The following PCDH11X variants were observed in gnomAD, a reference collection of about 807,000 sequenced individuals.
PCDH11X encodes protocadherin 11 X-linked, also known as protocadherin-11 X-linked.
A neutral mutation model predicts 53.3 loss-of-function variants in PCDH11X; 18 were observed. The ratio of observed to expected loss-of-function variants is 0.34; its 90% CI spans 0.23 to 0.50. The LOEUF (loss-of-function observed/expected upper bound fraction) is 0.50, where lower values mean the gene tolerates loss of function less well. Ranked by LOEUF, PCDH11X falls within the 20% of genes least tolerant of loss-of-function variation. PCDH11X has a pLI of 0.98. For missense variants in PCDH11X, 570 were observed against 1,032.4 expected (o/e 0.55, Z 6.14); for synonymous variants, 279 against 393.3 (o/e 0.71, Z 3.44).
At position 92,150,078 on chromosome X, in the gene PCDH11X, T is replaced by C. The variant is rs759030084; in HGVS notation, c.3034-51297T>C. ...ATAAACATTTGTGTGAAAGTTTTTG[T>C]GTGGATGTGTCTTTTCTTTTCTCTT... On this transcript the variant is annotated intron_variant, in intron 6 of 10. Coordinates refer to ENST00000682573, the MANE Select transcript of PCDH11X (RefSeq NM_032968.5). 1.0e-4 allele frequency among the ~76,000 whole-genome samples: 11 copies of C among 106,854 alleles called. No homozygotes were observed. The South Asian group carries it at 4.1e-3, about 39-fold the overall frequency. 92.8% of individuals were successfully genotyped at this position (106,854 alleles called of 115,157 possible).
intron 7 of PCDH11X, among the ~76,000 whole-genome samples, chrX:92,231,818 C>T (rs936192849): frequency 4.5e-5 from 5 of 111,721 alleles, no homozygotes; most frequent in Admixed American, 9.5e-5. Context: ...CTAGTAGGTA[C>T]GCTACTCCCC....
intron 6 of PCDH11X, among the ~76,000 whole-genome samples, chrX:92,014,187 G>GA (rs1382613406): frequency 1.1e-5 from 1 of 93,790 alleles, no homozygotes; most frequent in African/African-American, 3.6e-5. Flanking sequence ...AAATTTACAA[G>GA]AAAAAAAACA....
At chrX:91,976,239 G>A (rs1381771891) in intron 6 of PCDH11X, among the ~76,000 whole-genome samples, 2 of 111,289 alleles carry the variant, frequency 1.8e-5, no homozygotes, top group African/African-American at 3.3e-5. Context: ...TTTTTGCTTG[G>A]CTCCTGAAAC....
intron 6 of PCDH11X, among the ~76,000 whole-genome samples, chrX:92,175,791 C>CTGTGAT (rs2065899932): frequency 1.3e-5 from 1 of 75,547 alleles, no homozygotes; most frequent in Non-Finnish European, 2.6e-5. Flanking sequence ...TATATACACA[C>CTGTGAT]ACACACACAC....
intron 10 of PCDH11X, among the ~76,000 whole-genome samples, chrX:92,560,877 G>A (rs2750523): frequency 2.3e-4 from 25 of 108,609 alleles, no homozygotes; most frequent in African/African-American, 7.7e-4. Context: ...TAAGAAAAGC[G>A]TCTTGGGCAA....
rs1052119345 is a variant in PCDH11X at position 92,331,991 on chromosome X, C to T, written c.3145-55744C>T. On this transcript the variant is annotated intron_variant, in intron 8 of 10. Coordinates refer to ENST00000682573, the MANE Select transcript of PCDH11X (RefSeq NM_032968.5). ...AATGTAGTGTTCCATGAATAATGGA[C>T]GTTCAAATAAATAGCATTATCTGGC... is the stretch of plus-strand genomic sequence containing the variant. 5.4e-5 allele frequency among the ~76,000 whole-genome samples: 6 copies of T among 111,405 alleles called. No homozygotes were observed. In the East Asian group the frequency reaches 8.5e-4, roughly 16 times the overall value.
rs190000352 is a variant in PCDH11X, at chrX:91,996,084, G to A, written c.3033+116811G>A. On this transcript the variant is annotated intron_variant, in intron 6 of 10. Coordinates refer to ENST00000682573, the MANE Select transcript of PCDH11X (RefSeq NM_032968.5). ...TCTCGATCTCCTGACCTTGTGATCC[G>A]CCCGCCTTAGCCTCCCAAAGTGCTG... Among the ~76,000 whole-genome samples, 579 of 101,489 alleles carry A rather than the reference G, an allele frequency of 5.7e-3. 4 individuals are homozygous for A. The highest frequency in any genetic ancestry group is 0.02 in the African/African-American group (539 of 27,195). 88.1% of individuals were successfully genotyped at this position (101,489 alleles called of 115,157 possible). A position where few individuals can be genotyped will look rare whatever the true frequency, so the allele number is the denominator to read the frequency against.
intron 8 of PCDH11X, among the ~76,000 whole-genome samples, chrX:92,378,139 A>G (rs1201916266): frequency 1.0e-5 from 1 of 97,391 alleles, no homozygotes; most frequent in Admixed American, 1.1e-4. Context: ...AATGCCTTAG[A>G]ATGATTATTA....
chrX:91,950,903 G>T (rs1007559085), intron 6 of PCDH11X, among the ~76,000 whole-genome samples: 1 of 108,896 alleles, frequency 9.2e-6, no homozygotes, highest in African/African-American at 3.3e-5. Flanking sequence ...CTTGAAAAAT[G>T]GGATATTTTA....
chrX:92,412,509 G>GTATATATATATATA (rs748836273), intron 9 of PCDH11X, among the ~76,000 whole-genome samples: 1 of 64,434 alleles, frequency 1.6e-5, no homozygotes, highest in Non-Finnish European at 3.1e-5. Context: ...AAAGAAAATA[G>GTATATATATATATA]TATATATATA....
At chrX:92,136,404 A>G (rs1461129601) in intron 6 of PCDH11X, among the ~76,000 whole-genome samples, 1 of 98,699 alleles carries the variant, frequency 1.0e-5, no homozygotes, top group Non-Finnish European at 2.0e-5. Flanking sequence ...TAGAGTAGGA[A>G]GTGCAAACTG....
At chrX:92,377,974 G>C (rs1304516080) in intron 8 of PCDH11X, among the ~76,000 whole-genome samples, 1 of 109,678 alleles carries the variant, frequency 9.1e-6, no homozygotes. Flanking sequence ...TTATTTTTAA[G>C]ATAATCCTAT....
intron 5 of PCDH11X, among the ~76,000 whole-genome samples, chrX:91,860,321 C>G (rs1938590923): frequency 1.9e-5 from 2 of 105,940 alleles, no homozygotes; most frequent in Non-Finnish European, 3.9e-5. Flanking sequence ...GATTTTGTAT[C>G]CTGAGACTTT....
chrX:92,490,746 GAGAA>G (rs1187155754), intron 10 of PCDH11X, among the ~76,000 whole-genome samples: 52 of 95,535 alleles, frequency 5.4e-4, no homozygotes, highest in Non-Finnish European at 9.4e-4. Context: ...GAGAGAAAGA[GAGAA>G]AGAAAGAAAG....
intron 8 of PCDH11X, among the ~76,000 whole-genome samples, chrX:92,363,352 G>A (rs908385222): frequency 1.6e-4 from 18 of 110,880 alleles, no homozygotes; most frequent in South Asian, 3.7e-4. Flanking sequence ...AGTTTTCAGC[G>A]TATACCTTTC....
At chrX:92,329,069 C>T (rs1024206416) in intron 8 of PCDH11X, among the ~76,000 whole-genome samples, 4 of 110,260 alleles carry the variant, frequency 3.6e-5, no homozygotes, top group East Asian at 2.9e-4. Context: ...CAACAGTATA[C>T]GAAAAGGATA....
At position 92,361,065 on chromosome X, in the gene PCDH11X, A is replaced by C. The variant is rs78552249; in HGVS notation, c.3145-26670A>C. 2.8e-3 allele frequency among the ~76,000 whole-genome samples: 314 copies of C among 110,365 alleles called. 6 individuals carry two copies. In the East Asian group the frequency reaches 0.054, roughly 19 times the overall value. On this transcript the variant is annotated intron_variant, in intron 8 of 10. Transcript: ENST00000682573. ...CTCTTAGTCCCATGTTACGTCACTC[A>C]CAATTTGCCAGGTATTATCTCAATT...
chrX:92,615,682 C>A (rs779726365), intron 10 of PCDH11X, among the ~76,000 whole-genome samples: 3 of 111,128 alleles, frequency 2.7e-5, no homozygotes, highest in South Asian at 7.7e-4. Context: ...TTTGTATGTG[C>A]CTGGATTAAA....
chrX:92,276,721 A>C (rs755734742), intron 8 of PCDH11X, among the ~76,000 whole-genome samples: 101 of 111,586 alleles, frequency 9.1e-4, no homozygotes, highest in African/African-American at 3.0e-3. Context: ...GCCAGATTCT[A>C]ATTTTTGGAG....
Sources: allele counts gnomAD v4.1 joint callset (sites outside exome capture counted in the v4.1 genomes callset), GRCh38; gene constraint gnomAD v4.1.1; transcripts MANE v1.5; gene names NCBI Gene and HGNC (gene_info 2026-07-23, HGNC 2026-07-21).